LINGO2: variants seen among roughly 807,000 people sequenced by gnomAD.
The protein encoded by LINGO2 is leucine rich repeat and Ig domain containing 2, also known as leucine-rich repeat and immunoglobulin-like domain-containing nogo receptor-interacting protein 2.
LINGO2 carries 14 observed loss-of-function variants against 30.6 expected under a neutral mutation model. The observed-to-expected ratio is 0.46, with a 90% CI of 0.30 to 0.72. The LOEUF (loss-of-function observed/expected upper bound fraction) is 0.72, where lower values mean the gene tolerates loss of function less well. LINGO2 is among the 30% of genes least tolerant of loss of function. The probability of loss-of-function intolerance (pLI) is 0.07; values close to 1 mark genes in which losing one functional copy is unlikely to be tolerated. For missense variants in LINGO2, 729 were observed against 751.7 expected, an observed-to-expected ratio of 0.97 and a Z score of 0.35; for synonymous variants, 317 against 288.5, an observed-to-expected ratio of 1.10 and a Z score of -1.00.
chr9:28,467,037 G>A (rs199876167), intron 2 of LINGO2, among the ~76,000 whole-genome samples: 131 of 145,894 alleles, frequency 9.0e-4, no homozygotes, highest in African/African-American at 3.2e-3. Flanking sequence ...TTTTTTTTTG[G>A]GGGGGGGGGA....
chr9:28,454,607 A>G (rs1012176548), intron 2 of LINGO2, among the ~76,000 whole-genome samples: 1 of 152,010 alleles, frequency 6.6e-6, no homozygotes, highest in Non-Finnish European at 1.5e-5. Flanking sequence ...CACAATGTAC[A>G]TATATATTCT....
intron 4 of LINGO2, among the ~76,000 whole-genome samples, chr9:28,164,648 T>C (rs1282391735): frequency 1.3e-5 from 2 of 152,132 alleles, no homozygotes; most frequent in African/African-American, 2.4e-5. Flanking sequence ...TATCAGGCAA[T>C]CTGAAAAGTC....
the LINGO2 span, among the ~76,000 whole-genome samples, chr9:28,811,948 G>A: frequency 6.6e-6 from 1 of 152,016 alleles, no homozygotes; most frequent in African/African-American, 2.4e-5. Context: ...TAGTAGGCAT[G>A]CAATATGTAT....
At chr9:29,007,864 A>G in the LINGO2 span, among the ~76,000 whole-genome samples, 2 of 152,116 alleles carry the variant, frequency 1.3e-5, no homozygotes, top group Non-Finnish European at 2.9e-5. Flanking sequence ...TTAAGGGCTG[A>G]AGATACACAT....
At chr9:28,346,523 G>C (rs1020427532) in intron 3 of LINGO2, among the ~76,000 whole-genome samples, 2 of 152,080 alleles carry the variant, frequency 1.3e-5, no homozygotes, top group Admixed American at 1.3e-4. Context: ...CTTTAGAGTG[G>C]AACAATTTAT....
At chr9:29,057,107 A>AT in the LINGO2 span, among the ~76,000 whole-genome samples, 37 of 149,170 alleles carry the variant, frequency 2.5e-4, no homozygotes, top group Non-Finnish European at 3.3e-4. Context: ...GAATTTTAAG[A>AT]TTTTTTTTTT....
At chr9:27,965,621 C>T (rs893916107) in intron 5 of LINGO2, among the ~76,000 whole-genome samples, 2 of 151,938 alleles carry the variant, frequency 1.3e-5, no homozygotes, top group Non-Finnish European at 2.9e-5. Flanking sequence ...TAATCTTTCC[C>T]GAAACTGGAG....
At chr9:29,067,427 CTT>C in the LINGO2 span, among the ~76,000 whole-genome samples, 2 of 151,600 alleles carry the variant, frequency 1.3e-5, no homozygotes, top group Non-Finnish European at 3.0e-5. Flanking sequence ...CTATTAAACT[CTT>C]ATAATTTCTT....
the LINGO2 span, among the ~76,000 whole-genome samples, chr9:29,151,463 G>A: frequency 6.6e-6 from 1 of 152,218 alleles, no homozygotes; most frequent in African/African-American, 2.4e-5. Flanking sequence ...GTGGCAAGCT[G>A]GATAATAATA....
At chr9:28,149,106 G>A (rs112467356) in intron 4 of LINGO2, 120,373 of 1,522,562 alleles carry the variant, frequency 0.079, 4,743 homozygotes, top group East Asian at 0.18. Context: ...AGAGAAGGAC[G>A]CCTCCAGCAG....
At chr9:28,662,669 G>A (rs1481537294) in intron 1 of LINGO2, among the ~76,000 whole-genome samples, 1 of 152,120 alleles carries the variant, frequency 6.6e-6, no homozygotes, top group African/African-American at 2.4e-5. Context: ...TTCATTTGCA[G>A]AATGGGGACA....
the LINGO2 span, among the ~76,000 whole-genome samples, chr9:29,165,344 C>T: frequency 2.0e-5 from 3 of 151,984 alleles, no homozygotes; most frequent in Non-Finnish European, 2.9e-5. Context: ...ACTGGAGATA[C>T]GGCAGTGAAA....
At chr9:28,444,332 A>T (rs1164458798) in intron 2 of LINGO2, among the ~76,000 whole-genome samples, 2 of 152,206 alleles carry the variant, frequency 1.3e-5, no homozygotes, top group African/African-American at 2.4e-5. Context: ...CTGCTGTAAC[A>T]CTATAGCCCT....
At chr9:27,981,571 A>AAAAAAAAAAAAAAAAAAAAAAAG (rs1820876000) in intron 5 of LINGO2, among the ~76,000 whole-genome samples, 2 of 74,232 alleles carry the variant, frequency 2.7e-5, no homozygotes, top group South Asian at 4.9e-4. Flanking sequence ...AAAAAAAAAG[A>AAAAAAAAAAAAAAAAAAAAAAAG]AAAAAAAAAG....
At chr9:28,585,613 T>C (rs908761408) in intron 1 of LINGO2, among the ~76,000 whole-genome samples, 46 of 152,166 alleles carry the variant, frequency 3.0e-4, no homozygotes, top group African/African-American at 1.0e-3. Flanking sequence ...GTTCTGGGCA[T>C]GTTTAAGCTA....
intron 4 of LINGO2, among the ~76,000 whole-genome samples, chr9:28,285,534 C>A (rs1188241404): frequency 6.6e-6 from 1 of 151,096 alleles, no homozygotes; most frequent in Non-Finnish European, 1.5e-5. Flanking sequence ...GCCTCCCCAG[C>A]AGCTGGGACT....
chr9:28,134,186 T>C (rs1355127174), intron 4 of LINGO2, among the ~76,000 whole-genome samples: 1 of 152,220 alleles, frequency 6.6e-6, no homozygotes, highest in East Asian at 1.9e-4. Flanking sequence ...TTGCTCCAAA[T>C]TCTTCTGCTT....
intron 4 of LINGO2, among the ~76,000 whole-genome samples, chr9:28,138,300 T>TA (rs1395466221): frequency 1.3e-5 from 2 of 152,218 alleles, no homozygotes; most frequent in East Asian, 3.8e-4. Flanking sequence ...TCCTTTGCTT[T>TA]ACTTCAACCT....
chr9:28,688,618 T>C, the LINGO2 span, among the ~76,000 whole-genome samples: 1 of 152,282 alleles, frequency 6.6e-6, no homozygotes, highest in African/African-American at 2.4e-5. Flanking sequence ...GTGTTCCTCA[T>C]TTAAAAATAA....
Sources: gnomAD v4.1 joint callset for allele counts (sites outside exome capture counted in the v4.1 genomes callset) on GRCh38, gnomAD v4.1.1 for gene constraint, MANE v1.5 for transcripts, NCBI Gene and HGNC (gene_info 2026-07-23, HGNC 2026-07-21) for gene names.